Variants in PIK3R5 observed in about 807,000 individuals in gnomAD.
PIK3R5 encodes phosphoinositide-3-kinase regulatory subunit 5, also known as phosphoinositide 3-kinase regulatory subunit 5.
Under a neutral mutation model 94.9 loss-of-function variants are expected in PIK3R5, and 32 were observed. That is an observed-to-expected ratio of 0.34 (90% CI 0.25 to 0.45). The LOEUF (loss-of-function observed/expected upper bound fraction) is 0.45, where lower values mean the gene tolerates loss of function less well. Among genes scored for constraint, PIK3R5 ranks in the 20% least tolerant of loss-of-function variants. The probability of loss-of-function intolerance (pLI) is 1.00; values close to 1 mark genes in which losing one functional copy is unlikely to be tolerated. For synonymous variants in PIK3R5, 443 were observed against 479.4 expected, an observed-to-expected ratio of 0.92 and a Z score of 0.99; for missense variants, 853 against 1,144.6, an observed-to-expected ratio of 0.75 and a Z score of 3.68.
At chr17:8,891,818 C>G (rs1466531455) in intron 6 of PIK3R5, among the ~76,000 whole-genome samples, 1 of 151,664 alleles carries the variant, frequency 6.6e-6, no homozygotes, top group Non-Finnish European at 1.5e-5. Context: ...GTTAGCCAGG[C>G]TGGTCTTGAA....
chr17:8,918,524 C>T (rs1404772637), intron 1 of PIK3R5, among the ~76,000 whole-genome samples: 1 of 152,096 alleles, frequency 6.6e-6, no homozygotes, highest in Non-Finnish European at 1.5e-5. Flanking sequence ...TGAATAAAAA[C>T]ATAAATGGAG....
chr17:8,897,945 T>G (rs61759600), intron 5 of PIK3R5, among the ~76,000 whole-genome samples: 1 of 147,292 alleles, frequency 6.8e-6, no homozygotes, highest in Admixed American at 6.8e-5. Flanking sequence ...GTGTGTGTGG[T>G]GTGTGTGTCT....
At chr17:8,928,292 G>A (rs906848467) in intron 1 of PIK3R5, among the ~76,000 whole-genome samples, 1 of 152,180 alleles carries the variant, frequency 6.6e-6, no homozygotes, top group Non-Finnish European at 1.5e-5. Flanking sequence ...ACCTGAAGAG[G>A]AGAACCTCCT....
At chr17:8,924,044 TCCCCTCCCCTCCC>T (rs2090812676) in intron 1 of PIK3R5, among the ~76,000 whole-genome samples, 2 of 31,254 alleles carry the variant, frequency 6.4e-5, no homozygotes, top group Non-Finnish European at 1.2e-4. Flanking sequence ...TTCCCTTCCC[TCCCCTCCCCTCCC>T]CCCCTCCCCT....
At chr17:8,964,031 C>T (rs776499209) in intron 1 of PIK3R5, among the ~76,000 whole-genome samples, 7 of 152,178 alleles carry the variant, frequency 4.6e-5, no homozygotes, top group Non-Finnish European at 8.8e-5. Flanking sequence ...CGGAAGCCAG[C>T]GTTCTACAAA....
rs1288359623 is a variant in PIK3R5 at position 8,888,627 on chromosome 17, A to T, written c.1160T>A (p.Met387Lys). ...GCTGTCCTCCACGTAGCCGCTGTCC[A>T]TGCCATCAGAGAGGCCTGAGACAAA... ...TSFVSGLSDGMDSGYVEDSEE... is the reference protein window; with the variant it reads ...TSFVSGLSDGKDSGYVEDSEE... The change falls in exon 10 of 19, where the codon ATG becomes AAG. Residue 387 changes from methionine to lysine, a missense_variant. Transcript: ENST00000447110. The surrounding 1 kb of genome is among the most constrained non-coding windows in gnomAD (Gnocchi z 7.8). The T allele has an allele frequency of 1.9e-6, 3 of 1,613,202 alleles. No homozygotes were observed. The highest frequency in any genetic ancestry group is 3.3e-5 in the Admixed American group (2 of 60,008).
chr17:8,915,364 C>T (rs1450462262), intron 1 of PIK3R5, among the ~76,000 whole-genome samples: 4 of 148,150 alleles, frequency 2.7e-5, no homozygotes, highest in Admixed American at 6.8e-5. Context: ...GTGGAGGTTG[C>T]GGTGAGCCAA....
rs1458903382 is a variant in PIK3R5 at position 8,908,067 on chromosome 17, C to T, written c.204+1007G>A. 4.6e-5 allele frequency among the ~76,000 whole-genome samples: 7 copies of T among 152,190 alleles called. No individual in the cohort carries two copies. In the East Asian group the frequency reaches 1.3e-3, roughly 29 times the overall value. On this transcript the variant is annotated intron_variant, in intron 3 of 18. Transcript: ENST00000447110. ...ATTTCTCCTTTTGTGAACTGCCTCT[C>T]TGATACAACCTACCACACCACATGC...
At chr17:8,906,292 T>C (rs1437148353) in intron 3 of PIK3R5, among the ~76,000 whole-genome samples, 1 of 152,210 alleles carries the variant, frequency 6.6e-6, no homozygotes, top group African/African-American at 2.4e-5. Flanking sequence ...AGCTATAAGC[T>C]GTGTGTATAT....
chr17:8,941,655 G>GGAC (rs2091182463), intron 1 of PIK3R5, among the ~76,000 whole-genome samples: 1 of 152,200 alleles, frequency 6.6e-6, no homozygotes, highest in Non-Finnish European at 1.5e-5. Context: ...CGGCCCACGC[G>GGAC]GCACCGTGGC....
At chr17:8,923,220 C>T (rs188864577) in intron 1 of PIK3R5, among the ~76,000 whole-genome samples, 3 of 152,274 alleles carry the variant, frequency 2.0e-5, no homozygotes, top group East Asian at 1.9e-4. Context: ...CAAGGACATA[C>T]GGATAGCACA....
chr17:8,897,545 C>T (rs2090180234), intron 5 of PIK3R5, among the ~76,000 whole-genome samples: 1 of 152,178 alleles, frequency 6.6e-6, no homozygotes, highest in Non-Finnish European at 1.5e-5. Flanking sequence ...GTGAGAGTCA[C>T]CCTAACAGGA....
rs199605025 is a variant in PIK3R5 at position 8,886,504 on chromosome 17, C to A, written c.2007G>T (p.Pro669=). ...LLYYCRFAAR[P]VLLQVYQTEL... is the part of the protein sequence containing the mutation. ...CGGTCTGATAGACTTGCAGCAGCAC[C>A]GGTCTGGCGGCAAAGCGGCAGTAGT... is the stretch of plus-strand genomic sequence containing the variant. Residue 669 remains proline, a synonymous_variant, in exon 13 of 19, where the codon CCG becomes CCT. Transcript: ENST00000447110. The A allele has an allele frequency of 1.4e-5, 22 of 1,609,494 alleles. No homozygotes were observed. In the Admixed American group the frequency reaches 1.7e-4, roughly 12 times the overall value.
Position 8,880,723 on chromosome 17 carries a change from A to T in PIK3R5, c.2559T>A (p.Pro853=). The T allele has an allele frequency of 2.5e-6, 4 of 1,613,906 alleles. No individual in the cohort carries two copies. In the South Asian group the frequency reaches 4.4e-5, roughly 18 times the overall value. The change falls in exon 19 of 19, where the codon CCT becomes CCA. Residue 853 remains proline (P), a synonymous_variant. Transcript: ENST00000447110. ...GTGCGGCCTGGGCCGGCAGGTCAGG[A>T]GGCGTCTGGGGTGGTGAGGAGAGGT... ...KSDLSSPPQT[P]PDLPAQAAPD... is the part of the protein sequence containing the mutation.
intron 1 of PIK3R5, among the ~76,000 whole-genome samples, chr17:8,958,477 A>C (rs941167520): frequency 9.3e-5 from 14 of 150,350 alleles, no homozygotes; most frequent in African/African-American, 3.5e-4. Context: ...CAGATGCTTT[A>C]AAAAAGTATT....
intron 1 of PIK3R5, among the ~76,000 whole-genome samples, chr17:8,957,054 A>G (rs1335942093): frequency 6.6e-6 from 1 of 152,098 alleles, no homozygotes; most frequent in African/African-American, 2.4e-5. Flanking sequence ...CAGCTTTGGG[A>G]CCTGTTTATT....
chr17:8,913,950 G>A (rs2151419989), intron 1 of PIK3R5, among the ~76,000 whole-genome samples: 1 of 152,356 alleles, frequency 6.6e-6, no homozygotes, highest in African/African-American at 2.4e-5. Context: ...TGGCATGGAT[G>A]AGCATCTGTG....
At chr17:8,933,864 C>CAT (rs2151444880) in intron 1 of PIK3R5, among the ~76,000 whole-genome samples, 1 of 152,230 alleles carries the variant, frequency 6.6e-6, no homozygotes, top group East Asian at 1.9e-4. Context: ...AAAAAAATCA[C>CAT]ATAACTACTT....
chr17:8,928,599 A>G (rs1597412017), intron 1 of PIK3R5, among the ~76,000 whole-genome samples: 1 of 152,254 alleles, frequency 6.6e-6, no homozygotes, highest in African/African-American at 2.4e-5. Context: ...GAAGTGGAAT[A>G]ACATATTCTA....
Sources: allele counts gnomAD v4.1 joint callset (sites outside exome capture counted in the v4.1 genomes callset), GRCh38; gene constraint gnomAD v4.1.1; non-coding constraint Gnocchi (gnomAD v3.1); transcripts MANE v1.5; gene names NCBI Gene and HGNC (gene_info 2026-07-23, HGNC 2026-07-21).